The following GRM7 variants were observed in gnomAD, a reference collection of about 807,000 sequenced individuals.
GRM7 encodes the protein glutamate metabotropic receptor 7.
A neutral mutation model predicts 84.5 loss-of-function variants in GRM7; 35 were observed. The observed-to-expected ratio is 0.41, with a 90% confidence interval of 0.32 to 0.55. The LOEUF is 0.55. Among genes scored for constraint, GRM7 ranks in the 20% least tolerant of loss-of-function variants. The pLI, the probability that GRM7 is intolerant of heterozygous loss-of-function variation, is 0.19. For missense variants in GRM7, 1,003 were observed against 1,194.6 expected (o/e 0.84, Z 2.36); for synonymous variants, 487 against 455.1 (o/e 1.07, Z -0.89).
intron 1 of GRM7, among the ~76,000 whole-genome samples, chr3:6,986,560 A>G (rs937510542): frequency 3.9e-5 from 6 of 152,172 alleles, no homozygotes; most frequent in Admixed American, 1.3e-4. Flanking sequence ...CTTCTGCCTC[A>G]CACCCTCATG....
chr3:7,688,376 T>C (rs933983942), intron 9 of GRM7, among the ~76,000 whole-genome samples: 8 of 152,118 alleles, frequency 5.3e-5, no homozygotes, highest in African/African-American at 1.7e-4. Flanking sequence ...CCTATGTCAA[T>C]ATCATAGGGC....
chr3:7,435,337 T>C (rs1168415942), intron 5 of GRM7, among the ~76,000 whole-genome samples: 1 of 151,958 alleles, frequency 6.6e-6, no homozygotes, highest in Non-Finnish European at 1.5e-5. Context: ...GTAGTTTTTT[T>C]ATATTTTTAG....
At chr3:7,390,185 A>G (rs1400567568) in intron 4 of GRM7, among the ~76,000 whole-genome samples, 5 of 152,104 alleles carry the variant, frequency 3.3e-5, no homozygotes, top group Middle Eastern at 3.4e-3. Flanking sequence ...TGCGCCCCCA[A>G]TCTCTTCTGG....
At chr3:7,716,420 T>C (rs1857697) in intron 9 of GRM7, among the ~76,000 whole-genome samples, 64,121 of 152,066 alleles carry the variant, frequency 0.42, 13,990 homozygotes, top group East Asian at 0.75. Context: ...AGTTTGTAAA[T>C]TGAACATTAT....
At chr3:7,518,125 G>T (rs546204609) in intron 7 of GRM7, among the ~76,000 whole-genome samples, 1 of 152,280 alleles carries the variant, frequency 6.6e-6, no homozygotes, top group Non-Finnish European at 1.5e-5. Flanking sequence ...GACCTCTCTT[G>T]TAAGAACTGT....
chr3:7,689,798 G>A (rs1396462175), intron 9 of GRM7, among the ~76,000 whole-genome samples: 3 of 152,050 alleles, frequency 2.0e-5, no homozygotes, highest in Non-Finnish European at 4.4e-5. Flanking sequence ...TCCTTAAATT[G>A]GGTCAATCAA....
At chr3:7,613,077 AAC>A (rs1486959184) in intron 8 of GRM7, among the ~76,000 whole-genome samples, 4 of 152,066 alleles carry the variant, frequency 2.6e-5, no homozygotes, top group Non-Finnish European at 5.9e-5. Flanking sequence ...AGACAGTAAA[AAC>A]TATCTCCCAA....
intron 9 of GRM7, among the ~76,000 whole-genome samples, chr3:7,696,400 G>C (rs1283122504): frequency 6.6e-6 from 1 of 152,188 alleles, no homozygotes. Flanking sequence ...TGGCAAGTTT[G>C]TTTGTGGTCA....
intron 2 of GRM7, among the ~76,000 whole-genome samples, chr3:7,255,619 C>T (rs543011004): frequency 6.6e-6 from 1 of 152,302 alleles, no homozygotes; most frequent in African/African-American, 2.4e-5. Context: ...TCATTCTGCT[C>T]ATTCAAGGTG....
intron 8 of GRM7, among the ~76,000 whole-genome samples, chr3:7,601,363 T>C (rs1201853417): frequency 6.6e-6 from 1 of 152,074 alleles, no homozygotes. Context: ...TAAGAACCTC[T>C]ACATTAGACC....
intron 8 of GRM7, among the ~76,000 whole-genome samples, chr3:7,661,925 C>T (rs1299834714): frequency 6.6e-6 from 1 of 151,632 alleles, no homozygotes; most frequent in Non-Finnish European, 1.5e-5. Flanking sequence ...GTATTTATCC[C>T]CCCCAATGAA....
chr3:7,177,064 T>A (rs1695177315), intron 2 of GRM7, among the ~76,000 whole-genome samples: 1 of 152,196 alleles, frequency 6.6e-6, no homozygotes, highest in South Asian at 2.1e-4. Context: ...AATCCTTATC[T>A]TTGCTCATTT....
At chr3:7,513,527 G>A (rs1304747964) in intron 7 of GRM7, among the ~76,000 whole-genome samples, 6 of 152,054 alleles carry the variant, frequency 3.9e-5, no homozygotes, top group Non-Finnish European at 7.4e-5. Context: ...GAAGGAATAA[G>A]ATCTAGTGTT....
At chr3:7,036,569 A>C (rs116363539) in intron 1 of GRM7, among the ~76,000 whole-genome samples, 1 of 152,184 alleles carries the variant, frequency 6.6e-6, no homozygotes, top group African/African-American at 2.4e-5. Context: ...GTATAGTCCA[A>C]CTATAATTCA....
chr3:7,139,545 C>A (rs186261009), intron 1 of GRM7, among the ~76,000 whole-genome samples: 2 of 151,892 alleles, frequency 1.3e-5, no homozygotes, highest in Admixed American at 1.3e-4. Flanking sequence ...CATATGAGAG[C>A]GTGAATTCAT....
intron 1 of GRM7, among the ~76,000 whole-genome samples, chr3:7,098,158 T>C (rs6769115): frequency 0.038 from 5,841 of 152,196 alleles, 295 homozygotes; most frequent in African/African-American, 0.12. Flanking sequence ...TTCTGTCTTC[T>C]GATCATTCAA....
At chr3:7,682,499 AC>A (rs1319304205) in intron 9 of GRM7, among the ~76,000 whole-genome samples, 1 of 151,764 alleles carries the variant, frequency 6.6e-6, no homozygotes, top group Non-Finnish European at 1.5e-5. Flanking sequence ...ATTTCATAAA[AC>A]CTTTTCTTGC....
intron 6 of GRM7, among the ~76,000 whole-genome samples, chr3:7,459,143 A>G (rs1305481699): frequency 6.6e-6 from 1 of 152,172 alleles, no homozygotes; most frequent in Non-Finnish European, 1.5e-5. Context: ...AAAAGACAGA[A>G]AAAAACAAAT....
intron 5 of GRM7, among the ~76,000 whole-genome samples, chr3:7,452,282 C>T (rs369172694): frequency 7.9e-5 from 12 of 152,084 alleles, no homozygotes; most frequent in Non-Finnish European, 1.3e-4. Context: ...CTAGAGTAAG[C>T]GAGCTTTTCA....
Sources: gnomAD v4.1 joint callset for allele counts (sites outside exome capture counted in the v4.1 genomes callset) on GRCh38, gnomAD v4.1.1 for gene constraint, MANE v1.5 for transcripts, NCBI Gene and HGNC (gene_info 2026-07-23, HGNC 2026-07-21) for gene names.